Variants in RBFOX1 observed in about 807,000 individuals in gnomAD.
RBFOX1 encodes RNA binding protein fox-1 homolog 1.
In RBFOX1, 8 loss-of-function variants were observed where a neutral mutation model predicts 57.7. The observed-to-expected ratio is 0.14, with a 90% CI of 0.08 to 0.25. RBFOX1 has a LOEUF of 0.25. Ranked by LOEUF, RBFOX1 falls within the 10% of genes least tolerant of loss-of-function variation. The pLI, the probability that RBFOX1 is intolerant of heterozygous loss-of-function variation, is 1.00. For synonymous variants in RBFOX1, 326 were observed against 222.4 expected, an observed-to-expected ratio of 1.47 and a Z score of -4.15; for missense variants, 611 against 548.5, an observed-to-expected ratio of 1.11 and a Z score of -1.14.
At chr16:6,257,403 T>C (rs1310065479) in intron 1 of RBFOX1, among the ~76,000 whole-genome samples, 1 of 152,130 alleles carries the variant, frequency 6.6e-6, no homozygotes, top group Non-Finnish European at 1.5e-5. Context: ...CAATATTTGA[T>C]GTTGAATTTC....
intron 2 of RBFOX1, among the ~76,000 whole-genome samples, chr16:6,420,093 C>A (rs1475394687): frequency 6.6e-6 from 1 of 152,100 alleles, no homozygotes; most frequent in Non-Finnish European, 1.5e-5. Flanking sequence ...TGATTTTAAT[C>A]TTCATTTCAG....
At chr16:5,799,150 C>G (rs1174894982) in intron 3 of RBFOX1, among the ~76,000 whole-genome samples, 2 of 151,996 alleles carry the variant, frequency 1.3e-5, no homozygotes, top group African/African-American at 4.8e-5. Context: ...TGGCAGCAGA[C>G]AAGAGATAAT....
chr16:6,996,692 G>A (rs1363087719), intron 3 of RBFOX1, among the ~76,000 whole-genome samples: 2 of 152,278 alleles, frequency 1.3e-5, no homozygotes, highest in African/African-American at 2.4e-5. Flanking sequence ...TGGCAGGATT[G>A]GGATTCAATT....
At chr16:6,526,848 AAAAAAAAAAAAC>A (rs1371067215) in intron 2 of RBFOX1, among the ~76,000 whole-genome samples, 2 of 149,352 alleles carry the variant, frequency 1.3e-5, no homozygotes, top group African/African-American at 4.9e-5. Context: ...AAAAAAAAAA[AAAAAAAAAAAAC>A]AACCAGAAAA....
At chr16:6,846,784 CTTA>C (rs1056835165) in intron 3 of RBFOX1, among the ~76,000 whole-genome samples, 2 of 152,050 alleles carry the variant, frequency 1.3e-5, no homozygotes, top group African/African-American at 4.8e-5. Flanking sequence ...TGGCCACTTT[CTTA>C]TTTTTTATTT....
At chr16:7,119,825 T>C (rs1001715203) in intron 4 of RBFOX1, among the ~76,000 whole-genome samples, 2 of 152,146 alleles carry the variant, frequency 1.3e-5, no homozygotes, top group South Asian at 4.1e-4. Context: ...GCTGTAGAAG[T>C]ACTGAACAAC....
At chr16:6,457,438 T>TCC (rs60318595) in intron 2 of RBFOX1, among the ~76,000 whole-genome samples, 1,278 of 54,164 alleles carry the variant, frequency 0.024, 88 homozygotes, top group African/African-American at 0.075. Context: ...TTTCCGGAAG[T>TCC]CCCCCCCCCC....
intron 2 of RBFOX1, among the ~76,000 whole-genome samples, chr16:6,521,270 G>A (rs926131127): frequency 6.6e-6 from 1 of 152,124 alleles, no homozygotes; most frequent in Non-Finnish European, 1.5e-5. Context: ...AGGAAAAGGT[G>A]CATGCACGTT....
chr16:5,477,153 C>G (rs2069354722), intron 2 of RBFOX1, among the ~76,000 whole-genome samples: 1 of 152,154 alleles, frequency 6.6e-6, no homozygotes, highest in Non-Finnish European at 1.5e-5. Context: ...TAGCTGCAAG[C>G]ACAGGCGCAT....
At chr16:7,449,370 G>A (rs992111794) in intron 4 of RBFOX1, among the ~76,000 whole-genome samples, 1 of 152,118 alleles carries the variant, frequency 6.6e-6, no homozygotes, top group Non-Finnish European at 1.5e-5. Context: ...AGTAGTCAGT[G>A]GGGGAGAATG....
At chr16:6,941,726 T>C (rs1049724308) in intron 3 of RBFOX1, among the ~76,000 whole-genome samples, 3 of 152,158 alleles carry the variant, frequency 2.0e-5, no homozygotes, top group African/African-American at 7.2e-5. Flanking sequence ...GAGATTGGAT[T>C]TGGCTTCTGA....
rs76062410 is a variant in RBFOX1, at chr16:7,311,423, A to G, written c.28-206724A>G. Among the ~76,000 whole-genome samples the G allele has an allele frequency of 2.1e-3, 310 of 149,094 alleles. 3 individuals are homozygous for G. In the East Asian group the frequency reaches 0.033, roughly 16 times the overall value. On this transcript the variant is annotated intron_variant, in intron 4 of 15. Transcript: ENST00000550418. ...CAACTGTAGGATTTAAGTGACTCCA[A>G]TTTCCCAGGCCTGATGAGTAAATGC...
At chr16:5,409,694 A>G (rs1192856062) in intron 1 of RBFOX1, among the ~76,000 whole-genome samples, 1 of 152,094 alleles carries the variant, frequency 6.6e-6, no homozygotes, top group Non-Finnish European at 1.5e-5. Context: ...GAGAGAGAGA[A>G]ATAAACGTGT....
At chr16:6,738,528 C>A (rs927444137) in intron 3 of RBFOX1, among the ~76,000 whole-genome samples, 1 of 152,056 alleles carries the variant, frequency 6.6e-6, no homozygotes, top group East Asian at 1.9e-4. Context: ...ATATATGAAC[C>A]CACAGTTATA....
At chr16:6,941,300 C>CTTCCCTCCTTCCCTCCCTCCTTCCT (rs1555654058) in intron 3 of RBFOX1, among the ~76,000 whole-genome samples, 1 of 79,154 alleles carries the variant, frequency 1.3e-5, no homozygotes, top group Non-Finnish European at 2.4e-5. Flanking sequence ...CCCTCCCTCC[C>CTTCCCTCCTTCCCTCCCTCCTTCCT]TCCTTCCTTC....
intron 3 of RBFOX1, among the ~76,000 whole-genome samples, chr16:6,895,325 A>G (rs1350400542): frequency 1.3e-5 from 2 of 151,170 alleles, no homozygotes; most frequent in East Asian, 3.9e-4. Context: ...TCCATTCATG[A>G]TGATTTACTA....
intron 3 of RBFOX1, among the ~76,000 whole-genome samples, chr16:6,899,019 C>CCGTATAG (rs59056535): frequency 6.7e-6 from 1 of 150,252 alleles, no homozygotes; most frequent in South Asian, 2.1e-4. Flanking sequence ...ATGCGCGTCT[C>CCGTATAG]TGTGTGTGTG....
intron 3 of RBFOX1, among the ~76,000 whole-genome samples, chr16:6,844,072 C>T (rs963211373): frequency 5.9e-5 from 9 of 152,076 alleles, no homozygotes; most frequent in Non-Finnish European, 8.8e-5. Context: ...TCTCTCTCCC[C>T]ACCCCCAAAT....
chr16:7,004,901 G>C (rs975451327), intron 3 of RBFOX1, among the ~76,000 whole-genome samples: 1 of 152,216 alleles, frequency 6.6e-6, no homozygotes, highest in African/African-American at 2.4e-5. Flanking sequence ...TGTAATTCCA[G>C]GACTTTGTAA....
Sources: gnomAD v4.1 joint callset for allele counts (sites outside exome capture counted in the v4.1 genomes callset) on GRCh38, gnomAD v4.1.1 for gene constraint, MANE v1.5 for transcripts, NCBI Gene and HGNC (gene_info 2026-07-23, HGNC 2026-07-21) for gene names.